The following SAMD9 variants were observed in gnomAD, a reference collection of about 807,000 sequenced individuals.
SAMD9 encodes sterile alpha motif domain containing 9.
A neutral mutation model predicts 1.5 loss-of-function variants in SAMD9; 3 were observed. The ratio of observed to expected loss-of-function variants is 2.05; its 90% confidence interval spans 0.93 to 5.29. SAMD9 has a LOEUF of 5.29. Among genes scored for constraint, SAMD9 ranks in the 30% most tolerant of loss-of-function variants. The probability of loss-of-function intolerance (pLI) is 0.02; values close to 1 mark genes in which losing one functional copy is unlikely to be tolerated. For missense variants in SAMD9, 1,597 were observed against 1,820.8 expected, an observed-to-expected ratio of 0.88 and a Z score of 2.24; for synonymous variants, 635 against 631.9, an observed-to-expected ratio of 1.00 and a Z score of -0.07.
rs762767484 is a variant in SAMD9, at chr7:93,103,534, T to C, written c.2564A>G (p.Gln855Arg). The C allele has an allele frequency of 1.2e-5, 19 of 1,613,818 alleles. No individual in the cohort carries two copies. The East Asian group carries it at 4.0e-4, about 34-fold the overall frequency. ...ARIPDSIAVI[Q>R]QLSPKEQRAF... Reference sequence around the variant, plus strand: ...TCTCTGTTCTTTGGGAGAGAGTTGCTGTATTACGGCAATACTGTCTGGGAT... The same window carrying C: ...TCTCTGTTCTTTGGGAGAGAGTTGCCGTATTACGGCAATACTGTCTGGGAT... The change falls in exon 3 of 3, where the codon CAG becomes CGG. Residue 855 changes from glutamine (Q) to arginine (R), a missense_variant. Around this residue, in one of 6 missense-constraint regions of SAMD9, gnomAD observed 55 missense variants for 58.6 expected, o/e 0.94. Transcript: ENST00000379958.
At position 93,101,497 on chromosome 7, in the gene SAMD9, G is replaced by A. The variant is rs761010661; in HGVS notation, c.4601C>T (p.Ala1534Val). Residue 1534 changes from alanine to valine, a missense_variant, in exon 3 of 3, where the codon GCT (alanine) becomes GTT (valine). Coordinates refer to ENST00000379958, the MANE Select transcript of SAMD9 (RefSeq NM_017654.4). ...TTCTATATATAAACAATTGTTTTCAGCTCGACCTTGTAAACGAAGCAAAAG... is the reference window on the plus strand; with the variant it reads ...TTCTATATATAAACAATTGTTTTCAACTCGACCTTGTAAACGAAGCAAAAG... Reference protein sequence around the residue: ...QELLLRLQGRAENNCLYIEYG... With the variant: ...QELLLRLQGRVENNCLYIEYG... 1.2e-6 allele frequency: 2 copies of A among 1,613,648 alleles called. No individual in the cohort carries two copies. The highest frequency in any genetic ancestry group is 2.2e-5 in the South Asian group (2 of 91,070).
rs1219345775 is a variant in SAMD9, at chr7:93,105,178, A to G, written c.920T>C (p.Val307Ala). ...TTCAGAGAACTGTGGAATAATGTCC[A>G]CTTCAATAACAAATCTGTCAGATAG... ...STLSDRFVIE[V>A]DIIPQFSECQ... Residue 307 changes from valine to alanine, a missense_variant, in exon 3 of 3, where the codon GTG becomes GCG. By Grantham distance (64) the Val-to-Ala change is moderately conservative (BLOSUM62 0). Around this residue, in one of 6 missense-constraint regions of SAMD9, gnomAD observed 498 missense variants for 457.4 expected, o/e 1.09. Transcript: ENST00000379958. 6.2e-7 allele frequency: 1 copy of G among 1,613,830 alleles called. No individual in the cohort carries two copies. The highest frequency in any genetic ancestry group is 8.5e-7 in the Non-Finnish European group (1 of 1,179,924).
rs1256846188 is a variant in SAMD9, at chr7:93,105,355, A to G, written c.743T>C (p.Val248Ala). 6.2e-7 allele frequency: 1 copy of G among 1,614,020 alleles called. No homozygotes were observed. Among genetic ancestry groups the G allele is most frequent in the East Asian group, 2.2e-5 (1 of 44,840 alleles). Residue 248 changes from valine (V) to alanine (A), a missense_variant, in exon 3 of 3, where the codon GTT (valine) becomes GCT (alanine). This residue lies in a region of SAMD9 where 498 missense variants were observed against 457.4 expected (regional missense o/e 1.09). Transcript: ENST00000379958. Reference protein sequence around the residue: ...GVKDKPHGKIVGIKVTNDTKE... With the variant: ...GVKDKPHGKIAGIKVTNDTKE... ...GGTATCATTGGTGACTTTGATGCCA[A>G]CAATTTTCCCATGGGGTTTGTCTTT... is the stretch of plus-strand genomic sequence containing the variant.
At chr7:93,117,257 G>A (rs7805597) in intron 1 of SAMD9, among the ~76,000 whole-genome samples, 4,937 of 144,110 alleles carry the variant, frequency 0.034, 101 homozygotes, top group Non-Finnish European at 0.043. Context: ...CTATCTTTCC[G>A]TTTGTTGTTG....
Position 93,104,114 on chromosome 7 carries a change from C to G in SAMD9, c.1984G>C (p.Gly662Arg). ...LEIICENECE[G>R]TLLEKDKNKF... ...TTTTTGTCCTTCTCTAACAGTGTAC[C>G]CTCACATTCATTTTCACAGATAATT... The change falls in exon 3 of 3, where the codon GGT (glycine) becomes CGT (arginine). Residue 662 changes from glycine (G) to arginine (R), a missense_variant. Coordinates refer to ENST00000379958, the MANE Select transcript of SAMD9 (RefSeq NM_017654.4). The G allele has an allele frequency of 6.2e-7, 1 of 1,613,736 alleles. No individual in the cohort carries two copies. The highest frequency in any genetic ancestry group is 8.5e-7 in the Non-Finnish European group (1 of 1,179,816).
At chr7:93,114,693 G>T (rs1584260642) in intron 2 of SAMD9, 102 bp downstream of exon 2, 1 of 152,132 alleles carries the variant, frequency 6.6e-6, no homozygotes, top group Admixed American at 6.5e-5. Context: ...AAGAAAGGTG[G>T]CACAAATAAG....
chr7:93,115,133 T>C (rs1287061973), intron 1 of SAMD9, among the ~76,000 whole-genome samples: 1 of 152,032 alleles, frequency 6.6e-6, no homozygotes, highest in Non-Finnish European at 1.5e-5. Flanking sequence ...ATTAGAAGTG[T>C]TCCAAAATGT....
chr7:93,101,267 T>G lies in SAMD9; in HGVS notation c.*61A>C. ...CCTTGCCGGTTTAAAGCATAGATCT[T>G]GAGTCCAAAAAAATTAAATGGGTAC... On this transcript the variant is annotated 3_prime_UTR_variant, in exon 3 of 3. Transcript: ENST00000379958. The G allele has an allele frequency of 7.3e-7, 1 of 1,375,566 alleles. No individual in the cohort carries two copies. The highest frequency in any genetic ancestry group is 1.0e-6 in the Non-Finnish European group (1 of 972,938). The allele number at this position is 1,375,566 out of a possible 1,614,324, so 85.2% of individuals were successfully genotyped here.
chr7:93,115,302 A>C (rs1401456607), intron 1 of SAMD9, among the ~76,000 whole-genome samples: 1 of 152,214 alleles, frequency 6.6e-6, no homozygotes. Flanking sequence ...TGTTTTAGCC[A>C]CTTCAAGAAA....
In SAMD9 at chr7:93,101,830, C is replaced by T. The variant is rs763706544; in HGVS notation, c.4268G>A (p.Gly1423Glu). 1 of 1,613,724 alleles carries T rather than the reference C, an allele frequency of 6.2e-7. No homozygotes were observed. ...CGGTTCTGAAAACTGATAAGTCAGT[C>T]CTATTGGTTGCAAGACTTCTCGAAG... ...DQLREVLQPI[G>E]LTYQFSEPYF... is the part of the protein sequence containing the mutation. Residue 1423 changes from glycine to glutamate, a missense_variant, in exon 3 of 3, where the codon GGA becomes GAA. Gly to Glu is a moderately conservative substitution (Grantham distance 98). Around this residue, in one of 6 missense-constraint regions of SAMD9, gnomAD observed 682 missense variants for 810.0 expected, o/e 0.84. Coordinates refer to ENST00000379958, the MANE Select transcript of SAMD9 (RefSeq NM_017654.4).
In SAMD9 at chr7:93,103,246, C is replaced by T. The variant is rs1381643077; in HGVS notation, c.2852G>A (p.Trp951Ter). The change falls in exon 3 of 3, where the codon TGG (tryptophan) becomes TAG (stop). Residue 951 changes from tryptophan (W) to a stop codon, truncating the protein, a stop_gained. Coordinates refer to ENST00000379958, the MANE Select transcript of SAMD9 (RefSeq NM_017654.4). LOFTEE classifies it low-confidence loss of function (END_TRUNC). ...CTTGTCTTCAAATTTTTCTGTCCCC[C>T]AGAAAGCCTTCTTGTTTCCAATTCC... ...FLGIGNKKAF[W>*]GTEKFEDKMG... 1.2e-6 allele frequency: 2 copies of T among 1,613,684 alleles called. No individual in the cohort carries two copies. The highest frequency in any genetic ancestry group is 2.2e-5 in the East Asian group (1 of 44,860).
At chr7:93,115,647 T>G (rs973672312) in intron 1 of SAMD9, among the ~76,000 whole-genome samples, 2 of 152,200 alleles carry the variant, frequency 1.3e-5, no homozygotes, top group African/African-American at 4.8e-5. Context: ...GTTTGTTCAT[T>G]GTATACAAGT....
rs759361395 is a variant in SAMD9 at position 93,102,340 on chromosome 7, T to C, written c.3758A>G (p.Tyr1253Cys). 23 of 1,608,876 alleles carry C rather than the reference T, an allele frequency of 1.4e-5. No individual in the cohort carries two copies. In the East Asian group the frequency reaches 5.1e-4, roughly 36 times the overall value. The part of the protein sequence containing the change: ...NNEYKLALKN[Y>C]IPYLTKLKFS... ...TTTCAATTTAGTTAAATAAGGAATA[T>C]AGTTTTTGAGGGCTAATTTATATTC... is the stretch of plus-strand genomic sequence containing the variant. The change falls in exon 3 of 3, where the codon TAT becomes TGT. Residue 1253 changes from tyrosine (Y) to cysteine (C), a missense_variant. Physicochemically the swap from Tyr to Cys is radical, Grantham distance 194. This residue lies in a region of SAMD9 where 682 missense variants were observed against 810.0 expected (regional missense o/e 0.84). Coordinates refer to ENST00000379958, the MANE Select transcript of SAMD9 (RefSeq NM_017654.4).
At chr7:93,113,646 C>G (rs1412958147) in intron 2 of SAMD9, among the ~76,000 whole-genome samples, 1 of 152,128 alleles carries the variant, frequency 6.6e-6, no homozygotes, top group Non-Finnish European at 1.5e-5. Context: ...AAAAGATGAA[C>G]AGACACTTCT....
At chr7:93,107,250 C>T (rs1050268554) in intron 2 of SAMD9, among the ~76,000 whole-genome samples, 1 of 152,056 alleles carries the variant, frequency 6.6e-6, no homozygotes, top group Admixed American at 6.6e-5. Context: ...GCCCTTCAAG[C>T]ATCTTAATTT....
chr7:93,104,208 C>T lies in SAMD9; in HGVS notation c.1890G>A (p.Arg630=), dbSNP rs758146078. 3 of 1,613,900 alleles carry T rather than the reference C, an allele frequency of 1.9e-6. No individual in the cohort carries two copies. Among genetic ancestry groups the T allele is most frequent in the South Asian group, 1.1e-5 (1 of 91,072 alleles). Residue 630 remains arginine (R), a synonymous_variant, in exon 3 of 3, where the codon AGG becomes AGA. Coordinates refer to ENST00000379958, the MANE Select transcript of SAMD9 (RefSeq NM_017654.4). ...KLKSVTQSSK[R]LLPSIGLSTV... is the part of the protein sequence containing the mutation. The stretch of plus-strand genomic sequence containing the variant: ...TCGATAAACCAATAGATGGCAAAAG[C>T]CTTTTTGAAGATTGAGTCACAGATT...
chr7:93,104,611 C>A lies in SAMD9; in HGVS notation c.1487G>T (p.Gly496Val). The A allele has an allele frequency of 1.9e-6, 3 of 1,614,004 alleles. No homozygotes were observed. Among genetic ancestry groups the A allele is most frequent in the Non-Finnish European group, 2.5e-6 (3 of 1,179,918 alleles). The change falls in exon 3 of 3, where the codon GGC becomes GTC. Residue 496 changes from glycine to valine, a missense_variant. Physicochemically the swap from Gly to Val is moderately radical, Grantham distance 109. Around this residue, in one of 6 missense-constraint regions of SAMD9, gnomAD observed 358 missense variants for 460.4 expected, o/e 0.78. Transcript: ENST00000379958. ...TTTTTCACTGTCAAGGTCTAACCTG[C>A]CATTGCAGAAAATCCAGCTGGGTTG... ...YHQPSWIFCN[G>V]RLDLDSEKYK...
At position 93,101,187 on chromosome 7, in the gene SAMD9, G is replaced by A. The variant is rs1286894619; in HGVS notation, c.*141C>T. ...TTTGTAGAACTCATAACATGTTTAA[G>A]AGGAAATTAAATACTGCATGTACAG... On this transcript the variant is annotated 3_prime_UTR_variant, in exon 3 of 3. Transcript: ENST00000379958. 3 of 724,394 alleles carry A rather than the reference G, an allele frequency of 4.1e-6. No homozygotes were observed. The highest frequency in any genetic ancestry group is 7.3e-6 in the Non-Finnish European group (3 of 411,512). 44.9% of individuals were successfully genotyped at this position (724,394 alleles called of 1,614,324 possible).
rs1227886639 is a variant in SAMD9, at chr7:93,104,132, A to T, written c.1966T>A (p.Cys656Ser). The T allele has an allele frequency of 1.9e-6, 3 of 1,613,854 alleles. No homozygotes were observed. Among genetic ancestry groups the T allele is most frequent in the East Asian group, 4.5e-5 (2 of 44,888 alleles). The change falls in exon 3 of 3, where the codon TGT becomes AGT. Residue 656 changes from cysteine to serine, a missense_variant. By Grantham distance (112) the Cys-to-Ser change is moderately radical. This residue lies in a region of SAMD9 where 358 missense variants were observed against 460.4 expected (regional missense o/e 0.78). Transcript: ENST00000379958. ...AGTGTACCCTCACATTCATTTTCACAGATAATTTCCAGAGCAGTCATGATA... is the reference window on the plus strand; with the variant it reads ...AGTGTACCCTCACATTCATTTTCACTGATAATTTCCAGAGCAGTCATGATA... ...EDIMTALEII[C>S]ENECEGTLLE...
Sources: allele counts gnomAD v4.1 joint callset (sites outside exome capture counted in the v4.1 genomes callset), GRCh38; gene constraint gnomAD v4.1.1; regional missense constraint gnomAD v4.1.1; transcripts MANE v1.5; gene names NCBI Gene and HGNC (gene_info 2026-07-23, HGNC 2026-07-21).